Variants in LIPC observed in about 807,000 individuals in gnomAD.
LIPC encodes the protein lipase C, hepatic type.
LIPC carries 44 observed loss-of-function variants against 50.7 expected under a neutral mutation model. That is an observed-to-expected ratio of 0.87 (90% CI 0.68 to 1.11). LIPC has a LOEUF of 1.11. LIPC is among the 50% of genes most tolerant of loss of function. The probability of loss-of-function intolerance (pLI) is 0.00; values close to 1 mark genes in which losing one functional copy is unlikely to be tolerated. For missense variants in LIPC, 697 were observed against 648.2 expected (o/e 1.08, Z -0.82); for synonymous variants, 271 against 256.4 (o/e 1.06, Z -0.54).
intron 1 of LIPC, among the ~76,000 whole-genome samples, chr15:58,479,278 C>T (rs1394139360): frequency 6.6e-6 from 1 of 152,184 alleles, no homozygotes. Context: ...GTGACACTGT[C>T]GAAAACTGTA....
chr15:58,440,526 AT>A (rs1893468752), intron 1 of LIPC, among the ~76,000 whole-genome samples: 1 of 152,250 alleles, frequency 6.6e-6, no homozygotes, highest in South Asian at 2.1e-4. Context: ...GTAGGAAAGT[AT>A]ATCCCTGAGG....
chr15:58,470,877 C>T (rs780805006), intron 1 of LIPC, among the ~76,000 whole-genome samples: 12 of 152,112 alleles, frequency 7.9e-5, no homozygotes, highest in Non-Finnish European at 1.3e-4. Context: ...TGCCAAACAC[C>T]TTGAAAGTAT....
At chr15:58,520,896 G>T (rs957758134) in intron 1 of LIPC, among the ~76,000 whole-genome samples, 1 of 152,124 alleles carries the variant, frequency 6.6e-6, no homozygotes, top group African/African-American at 2.4e-5. Flanking sequence ...GAGTTATAAG[G>T]CTCAAAATAA....
At chr15:58,529,595 A>G (rs1279181056) in intron 1 of LIPC, among the ~76,000 whole-genome samples, 1 of 152,178 alleles carries the variant, frequency 6.6e-6, no homozygotes, top group Non-Finnish European at 1.5e-5. Context: ...TCTTGTGCCG[A>G]TCAGAGGCCT....
chr15:58,441,721 TA>T (rs1230813481), intron 1 of LIPC, among the ~76,000 whole-genome samples: 1 of 152,254 alleles, frequency 6.6e-6, no homozygotes, highest in Non-Finnish European at 1.5e-5. Context: ...GGCATCATAA[TA>T]ATTTAATAGT....
At chr15:58,477,966 T>C (rs1380926385) in intron 1 of LIPC, among the ~76,000 whole-genome samples, 5 of 151,758 alleles carry the variant, frequency 3.3e-5, no homozygotes, top group African/African-American at 1.2e-4. Flanking sequence ...ACCTCCCTCC[T>C]CTCCAGCCAG....
At chr15:58,524,694 T>C (rs1221247223) in intron 1 of LIPC, among the ~76,000 whole-genome samples, 1 of 152,210 alleles carries the variant, frequency 6.6e-6, no homozygotes, top group Non-Finnish European at 1.5e-5. Flanking sequence ...CAAAGGGCCA[T>C]TCATATTCCT....
rs1277329701 is a variant in LIPC, at chr15:58,453,736, T to C, written c.88+21616T>C. Among the ~76,000 whole-genome samples, 6 of 151,074 alleles carry C rather than the reference T, an allele frequency of 4.0e-5. No individual in the cohort carries two copies. The South Asian group carries it at 1.3e-3, about 32-fold the overall frequency. On this transcript the variant is annotated intron_variant, in intron 1 of 8. Coordinates refer to ENST00000299022, the MANE Select transcript of LIPC (RefSeq NM_000236.3). The stretch of plus-strand genomic sequence containing the variant: ...GGCAATATGGTGAAATCCCAACTAC[T>C]AAAAGTAAAAAAAAATCAGCCAGGC...
At chr15:58,461,918 C>G (rs1435671734) in intron 1 of LIPC, among the ~76,000 whole-genome samples, 1 of 151,856 alleles carries the variant, frequency 6.6e-6, no homozygotes, top group Non-Finnish European at 1.5e-5. Context: ...CTGCCTCGTG[C>G]TGTCCCCCCG....
intron 1 of LIPC, among the ~76,000 whole-genome samples, chr15:58,509,656 C>T (rs1459611065): frequency 6.6e-6 from 1 of 152,084 alleles, no homozygotes; most frequent in East Asian, 1.9e-4. Context: ...CCCCAGTAAG[C>T]CAGGACTCTC....
chr15:58,539,623 A>G (rs1253757161), intron 2 of LIPC, among the ~76,000 whole-genome samples: 4 of 152,116 alleles, frequency 2.6e-5, no homozygotes, highest in Non-Finnish European at 4.4e-5. Context: ...CATCTAGTTG[A>G]AAAGTACTCT....
chr15:58,433,452 A>G (rs1445552966), intron 1 of LIPC, among the ~76,000 whole-genome samples: 1 of 152,220 alleles, frequency 6.6e-6, no homozygotes, highest in Non-Finnish European at 1.5e-5. Flanking sequence ...ATTAATAGAA[A>G]CACATCAGTT....
intron 1 of LIPC, among the ~76,000 whole-genome samples, chr15:58,489,703 T>G (rs1813458548): frequency 6.6e-6 from 1 of 152,186 alleles, no homozygotes. Context: ...ACATGACCCC[T>G]GAGCAGTAAG....
At chr15:58,559,655 A>G (rs1448651269) in intron 6 of LIPC, among the ~76,000 whole-genome samples, 2 of 150,862 alleles carry the variant, frequency 1.3e-5, no homozygotes, top group African/African-American at 4.9e-5. Context: ...GCAGTAAGCC[A>G]AGGTGGCACT....
chr15:58,458,323 C>T (rs1894211301), intron 1 of LIPC, among the ~76,000 whole-genome samples: 1 of 152,168 alleles, frequency 6.6e-6, no homozygotes, highest in East Asian at 1.9e-4. Flanking sequence ...GCAAGGTCGG[C>T]TTATGCTATT....
chr15:58,567,281 G>GTA (rs769000261), intron 8 of LIPC, among the ~76,000 whole-genome samples: 1 of 65,420 alleles, frequency 1.5e-5, no homozygotes, highest in African/African-American at 5.8e-5. Flanking sequence ...GTGTGTGTGT[G>GTA]TATATATATA....
intron 1 of LIPC, among the ~76,000 whole-genome samples, chr15:58,487,220 T>C (rs1167933006): frequency 6.6e-6 from 1 of 152,220 alleles, no homozygotes; most frequent in Non-Finnish European, 1.5e-5. Flanking sequence ...GAGTCCCAGC[T>C]GCGCCACTTC....
chr15:58,521,137 G>A (rs1465521453), intron 1 of LIPC, among the ~76,000 whole-genome samples: 1 of 152,170 alleles, frequency 6.6e-6, no homozygotes, highest in Non-Finnish European at 1.5e-5. Flanking sequence ...GACTGTGGGT[G>A]TGAGAAGTAA....
At chr15:58,455,904 G>T (rs1595863628) in intron 1 of LIPC, among the ~76,000 whole-genome samples, 1 of 152,038 alleles carries the variant, frequency 6.6e-6, no homozygotes, top group Non-Finnish European at 1.5e-5. Context: ...CTGCCTGAGG[G>T]GTGTCTACAT....
Sources: gnomAD v4.1 joint callset for allele counts (sites outside exome capture counted in the v4.1 genomes callset) on GRCh38, gnomAD v4.1.1 for gene constraint, MANE v1.5 for transcripts, NCBI Gene and HGNC (gene_info 2026-07-23, HGNC 2026-07-21) for gene names.